The following ENTHD1 variants were observed in gnomAD, a reference collection of about 807,000 sequenced individuals.
The protein encoded by ENTHD1 is ENTH domain containing 1, also known as ENTH domain-containing protein 1.
In ENTHD1, 23 loss-of-function variants were observed where a neutral mutation model predicts 39.1. The observed-to-expected ratio is 0.59, with a 90% CI of 0.42 to 0.83. The LOEUF is 0.83. Ranked by LOEUF, ENTHD1 falls within the 40% of genes least tolerant of loss-of-function variation. The probability of loss-of-function intolerance (pLI) is 0.00; values close to 1 mark genes in which losing one functional copy is unlikely to be tolerated. For missense variants in ENTHD1, 624 were observed against 705.4 expected (o/e 0.88, Z 1.31); for synonymous variants, 230 against 258.2 (o/e 0.89, Z 1.05).
chr22:39,849,062 T>G (rs1313509725), intron 3 of ENTHD1, among the ~76,000 whole-genome samples: 2 of 152,176 alleles, frequency 1.3e-5, no homozygotes, highest in East Asian at 1.9e-4. Flanking sequence ...CATTGGTCCA[T>G]GCACCTATCC....
chr22:39,870,099 C>T (rs2066229686), intron 2 of ENTHD1, among the ~76,000 whole-genome samples: 1 of 152,068 alleles, frequency 6.6e-6, no homozygotes, highest in Admixed American at 6.5e-5. Context: ...TCACTGCAAA[C>T]TCCGCCTCCT....
At chr22:39,847,235 T>C (rs1601637581) in intron 3 of ENTHD1, among the ~76,000 whole-genome samples, 1 of 151,356 alleles carries the variant, frequency 6.6e-6, no homozygotes, top group Non-Finnish European at 1.5e-5. Context: ...ATGGATGAAA[T>C]TGGAAATAAT....
chr22:39,805,490 T>G (rs963108338), intron 5 of ENTHD1, among the ~76,000 whole-genome samples: 31 of 152,198 alleles, frequency 2.0e-4, no homozygotes, highest in African/African-American at 7.5e-4. Context: ...GGCTTAACTG[T>G]GCTAAGCAGG....
intron 5 of ENTHD1, among the ~76,000 whole-genome samples, chr22:39,815,392 A>G (rs532694092): frequency 9.2e-5 from 14 of 152,080 alleles, no homozygotes; most frequent in Admixed American, 2.0e-4. Flanking sequence ...GCAGTGAGCC[A>G]AGATCGTGCC....
chr22:39,775,604 A>G (rs2065359686), intron 5 of ENTHD1, among the ~76,000 whole-genome samples: 1 of 152,186 alleles, frequency 6.6e-6, no homozygotes, highest in African/African-American at 2.4e-5. Context: ...TTTACTAACA[A>G]TTCTAACAGC....
Position 39,888,260 on chromosome 22 carries a change from CTTTTTTTT to C in ENTHD1, c.-155-365_-155-358del, listed in dbSNP as rs61092462. ...CTGACATCTCTTTCTTTCTTTCTTT[CTTTTTTTT>C]TTTTTTTTTTTTTTCCAAAGACAGG... is the stretch of plus-strand genomic sequence containing the variant. On this transcript the variant is annotated intron_variant, in intron 1 of 6. Coordinates refer to ENST00000325157, the MANE Select transcript of ENTHD1 (RefSeq NM_152512.4). 3.2e-3 allele frequency among the ~76,000 whole-genome samples: 351 copies of C among 110,652 alleles called. 1 individual carries two copies. Among genetic ancestry groups the C allele is most frequent in the African/African-American group, 8.7e-3 (225 of 25,818 alleles). The allele number at this position is 110,652 out of a possible 152,430, so 72.6% of individuals were successfully genotyped here.
At chr22:39,889,819 G>A (rs1276657510) in intron 1 of ENTHD1, among the ~76,000 whole-genome samples, 1 of 152,094 alleles carries the variant, frequency 6.6e-6, no homozygotes, top group Admixed American at 6.5e-5. Flanking sequence ...ATAAGTGGTT[G>A]GGCGTGGTGG....
At chr22:39,815,483 A>C (rs548335635) in intron 5 of ENTHD1, among the ~76,000 whole-genome samples, 1 of 152,150 alleles carries the variant, frequency 6.6e-6, no homozygotes, top group East Asian at 1.9e-4. Context: ...AGAACAAATG[A>C]TACCCACCCA....
Position 39,765,229 on chromosome 22 carries a change from T to C in ENTHD1, c.1213A>G (p.Thr405Ala), listed in dbSNP as rs1245654881. ...QMDDKILKTT[T>A]RVSTASEGAS... ...GTGTGTTTGGCAGACTCACCCCGTG[T>C]GGTTGTCTTGAGGATTTTATCATCC... The change falls in exon 6 of 7, where the codon ACA becomes GCA. Residue 405 changes from threonine (T) to alanine (A), a missense_variant. Physicochemically the swap from Thr to Ala is moderately conservative, Grantham distance 58. Transcript: ENST00000325157. 3 of 1,600,180 alleles carry C rather than the reference T, an allele frequency of 1.9e-6. No homozygotes were observed. The South Asian group carries it at 3.3e-5, about 18-fold the overall frequency.
rs2065308416 is a variant in ENTHD1, at chr22:39,769,903, TG to T, written c.833-4295del. On this transcript the variant is annotated intron_variant, in intron 5 of 6. Transcript: ENST00000325157. The stretch of plus-strand genomic sequence containing the variant: ...AAATGCCTGTAGAGGGGAAAGCCAA[TG>T]TGATGGAAACTGATTCTCACAACAT... 4.6e-5 allele frequency among the ~76,000 whole-genome samples: 7 copies of T among 152,212 alleles called. No homozygotes were observed. In the South Asian group the frequency reaches 1.5e-3, roughly 32 times the overall value.
At chr22:39,848,944 ATTAT>A (rs1200903383) in intron 3 of ENTHD1, among the ~76,000 whole-genome samples, 1 of 152,148 alleles carries the variant, frequency 6.6e-6, no homozygotes, top group Non-Finnish European at 1.5e-5. Flanking sequence ...TTATCCGAGT[ATTAT>A]TTATTGAGCA....
chr22:39,849,376 G>A (rs939445791), intron 3 of ENTHD1, among the ~76,000 whole-genome samples: 1 of 152,200 alleles, frequency 6.6e-6, no homozygotes, highest in Non-Finnish European at 1.5e-5. Flanking sequence ...ATAGCATCCA[G>A]TGGGTACAGG....
At chr22:39,788,837 C>A (rs1325006228) in intron 5 of ENTHD1, among the ~76,000 whole-genome samples, 2 of 152,130 alleles carry the variant, frequency 1.3e-5, no homozygotes, top group Non-Finnish European at 1.5e-5. Context: ...CCTCCACCAG[C>A]AAAGAGATTA....
At chr22:39,771,758 T>A (rs1465704469) in intron 5 of ENTHD1, among the ~76,000 whole-genome samples, 1 of 151,950 alleles carries the variant, frequency 6.6e-6, no homozygotes, top group Non-Finnish European at 1.5e-5. Flanking sequence ...TCTTCAAAAT[T>A]GAAGGCAAAA....
At chr22:39,774,813 G>A (rs1185606809) in intron 5 of ENTHD1, among the ~76,000 whole-genome samples, 2 of 151,978 alleles carry the variant, frequency 1.3e-5, no homozygotes, top group Non-Finnish European at 2.9e-5. Flanking sequence ...GCCTTCACCC[G>A]TGCTGATATT....
chr22:39,802,783 T>A (rs956996792), intron 5 of ENTHD1, among the ~76,000 whole-genome samples: 8 of 152,142 alleles, frequency 5.3e-5, no homozygotes, highest in African/African-American at 1.9e-4. Flanking sequence ...TGTTCTCTGA[T>A]CCCCAACAGA....
At chr22:39,836,102 A>G (rs1004069894) in intron 3 of ENTHD1, 144 bp from the exon 4 acceptor site, 1 of 492,928 alleles carries the variant, frequency 2.0e-6, no homozygotes, top group Non-Finnish European at 3.6e-6. Flanking sequence ...GTAACCTATG[A>G]GTGTTAATCA....
chr22:39,767,946 T>C (rs922014177), intron 5 of ENTHD1, among the ~76,000 whole-genome samples: 3 of 152,234 alleles, frequency 2.0e-5, no homozygotes, highest in African/African-American at 7.2e-5. Context: ...CTGCAATCTT[T>C]TGGTTGCTTG....
At chr22:39,856,807 C>T (rs540610801) in intron 3 of ENTHD1, among the ~76,000 whole-genome samples, 1 of 147,074 alleles carries the variant, frequency 6.8e-6, no homozygotes. Context: ...GAGTCATTAT[C>T]ACACCACTGC....
Sources: allele counts gnomAD v4.1 joint callset (sites outside exome capture counted in the v4.1 genomes callset), GRCh38; gene constraint gnomAD v4.1.1; transcripts MANE v1.5; gene names NCBI Gene and HGNC (gene_info 2026-07-23, HGNC 2026-07-21).